CRB1: variants seen among roughly 807,000 people sequenced by gnomAD.
CRB1 encodes the protein protein crumbs homolog 1.
CRB1 carries 83 observed loss-of-function variants against 120.0 expected under a neutral mutation model. That is an observed-to-expected ratio of 0.69 (90% CI 0.58 to 0.83). CRB1 has a LOEUF of 0.83. Among genes scored for constraint, CRB1 ranks in the 40% least tolerant of loss-of-function variants. CRB1 has a pLI of 0.00. For synonymous variants in CRB1, 625 were observed against 612.5 expected (o/e 1.02, Z -0.30); for missense variants, 1,699 against 1,687.6 (o/e 1.01, Z -0.12).
At chr1:197,376,341 C>G (rs902233027) in intron 5 of CRB1, among the ~76,000 whole-genome samples, 1 of 152,032 alleles carries the variant, frequency 6.6e-6, no homozygotes, top group Non-Finnish European at 1.5e-5. Flanking sequence ...TAACATAACC[C>G]AGGCAAAACT....
chr1:197,315,527 CAT>C (rs1558048315), intron 1 of CRB1, among the ~76,000 whole-genome samples: 2 of 152,170 alleles, frequency 1.3e-5, no homozygotes, highest in Non-Finnish European at 2.9e-5. Context: ...CAAAAATCCA[CAT>C]GTGTGGAGAA....
chr1:197,408,093 C>T (rs190990118), intron 5 of CRB1, among the ~76,000 whole-genome samples: 6 of 152,054 alleles, frequency 3.9e-5, no homozygotes, highest in Admixed American at 3.3e-4. Flanking sequence ...TAAGAGTTAC[C>T]ATGCAGTTGA....
Position 197,442,336 on chromosome 1 carries a change from A to C in CRB1, c.4005+44A>C. 3 of 1,613,808 alleles carry C rather than the reference A, an allele frequency of 1.9e-6. No homozygotes were observed. In the African/African-American group the frequency reaches 4.0e-5, roughly 22 times the overall value. ...TATGTCTCTCTCTTATTCTGGCAGA[A>C]TCTTTTTCAGCTTCTTTCTTACCTC... On this transcript the variant is annotated intron_variant, in intron 11 of 11. Transcript: ENST00000367400.
At chr1:197,438,984 A>T in intron 10 of CRB1, 1 of 320,062 alleles carries the variant, frequency 3.1e-6, no homozygotes, top group South Asian at 2.9e-5. Flanking sequence ...ACTCTAATAC[A>T]TGATGCAAAT....
the CRB1 span, among the ~76,000 whole-genome samples, chr1:197,234,360 T>G: frequency 6.6e-6 from 1 of 152,182 alleles, no homozygotes; most frequent in African/African-American, 2.4e-5. Context: ...TAGCATGTCA[T>G]GAGGACACTC....
At chr1:197,344,086 T>C (rs947932413) in intron 2 of CRB1, among the ~76,000 whole-genome samples, 195 bp from the exon 3 acceptor site, 3 of 152,266 alleles carry the variant, frequency 2.0e-5, no homozygotes, top group Non-Finnish European at 4.4e-5. Flanking sequence ...TAATTCTTTG[T>C]AACAGCTGCT....
At chr1:197,431,028 T>C (rs1368588058) in intron 8 of CRB1, among the ~76,000 whole-genome samples, 1 of 151,304 alleles carries the variant, frequency 6.6e-6, no homozygotes, top group Admixed American at 6.6e-5. Context: ...ATCACACCAC[T>C]GCACTATAGC....
chr1:197,311,084 C>T (rs766166729), intron 1 of CRB1, among the ~76,000 whole-genome samples: 4 of 152,186 alleles, frequency 2.6e-5, no homozygotes, highest in Non-Finnish European at 5.9e-5. Flanking sequence ...CAATTTCAGA[C>T]TTCTAAAGTT....
chr1:197,473,699 G>A (rs1348245224), intron 11 of CRB1, among the ~76,000 whole-genome samples: 1 of 151,858 alleles, frequency 6.6e-6, no homozygotes, highest in Non-Finnish European at 1.5e-5. Context: ...CAAAAGCTCA[G>A]TGTTAGAGCA....
the CRB1 span, among the ~76,000 whole-genome samples, chr1:197,254,024 G>C: frequency 6.6e-6 from 1 of 152,098 alleles, no homozygotes; most frequent in Non-Finnish European, 1.5e-5. Flanking sequence ...GGCAGCTATT[G>C]ATCCAAACTC....
rs893763475 is a variant in CRB1 at position 197,328,556 on chromosome 1, A to C, written c.205A>C (p.Asn69His). 1.2e-6 allele frequency: 2 copies of C among 1,614,230 alleles called. No individual in the cohort carries two copies. Among genetic ancestry groups the C allele is most frequent in the Middle Eastern group, 1.6e-4 (1 of 6,062 alleles). ...TANNLDKDCD[N>H]MKDPCFSNPC... ...CAATAATTTGGACAAAGACTGTGAC[A>C]ACATGAAAGACCCTTGCTTCTCCAA... The change falls in exon 2 of 12, where the codon AAC (asparagine) becomes CAC (histidine). Residue 69 changes from asparagine to histidine, a missense_variant. Physicochemically the swap from Asn to His is moderately conservative, Grantham distance 68. Transcript: ENST00000367400.
intron 5 of CRB1, among the ~76,000 whole-genome samples, chr1:197,397,549 C>T (rs1489140575): frequency 1.3e-5 from 2 of 152,082 alleles, no homozygotes; most frequent in Non-Finnish European, 2.9e-5. Context: ...TTTCGAAAAC[C>T]TGATAAGAAC....
chr1:197,325,910 G>T (rs1435707898), intron 1 of CRB1, among the ~76,000 whole-genome samples: 1 of 152,072 alleles, frequency 6.6e-6, no homozygotes, highest in African/African-American at 2.4e-5. Context: ...TGCTGACAAA[G>T]GATACATTTA....
At chr1:197,237,886 C>T in the CRB1 span, among the ~76,000 whole-genome samples, 4 of 151,846 alleles carry the variant, frequency 2.6e-5, no homozygotes, top group African/African-American at 9.7e-5. Context: ...TTTCTGATAG[C>T]TTTGTATTTT....
intron 1 of CRB1, among the ~76,000 whole-genome samples, chr1:197,288,982 A>AC (rs1436263929): frequency 4.6e-5 from 7 of 151,502 alleles, no homozygotes; most frequent in Non-Finnish European, 1.0e-4. Flanking sequence ...TAAAAAAAAA[A>AC]AAAAACTTGA....
chr1:197,357,128 T>A, intron 5 of CRB1, 115 bp downstream of exon 5: 1 of 1,068,792 alleles, frequency 9.4e-7, no homozygotes, highest in Non-Finnish European at 1.4e-6. Flanking sequence ...TCTGCTGCTG[T>A]GGTGCAAAGG....
chr1:197,282,075 A>C (rs1389495223), intron 1 of CRB1, among the ~76,000 whole-genome samples: 5 of 151,690 alleles, frequency 3.3e-5, no homozygotes, highest in Admixed American at 6.6e-5. Context: ...ATGAAAAAAA[A>C]AAGAAAATCA....
At chr1:197,205,537 T>C in the CRB1 span, among the ~76,000 whole-genome samples, 1 of 152,226 alleles carries the variant, frequency 6.6e-6, no homozygotes, top group East Asian at 1.9e-4. Flanking sequence ...TCTGTTTATG[T>C]GGTGTATCAC....
At chr1:197,295,434 T>A (rs1000537543) in intron 1 of CRB1, among the ~76,000 whole-genome samples, 11 of 152,142 alleles carry the variant, frequency 7.2e-5, no homozygotes, top group Non-Finnish European at 1.3e-4. Flanking sequence ...TTAGAGCAAT[T>A]GAACTTGAAG....
Sources: allele counts gnomAD v4.1 joint callset (sites outside exome capture counted in the v4.1 genomes callset), GRCh38; gene constraint gnomAD v4.1.1; transcripts MANE v1.5; gene names NCBI Gene and HGNC (gene_info 2026-07-23, HGNC 2026-07-21).